Variants in NUMB observed in about 807,000 individuals in gnomAD.
The protein encoded by NUMB is protein numb homolog.
NUMB carries 29 observed loss-of-function variants against 59.7 expected under a neutral mutation model. The observed-to-expected ratio is 0.49, with a 90% CI of 0.36 to 0.66. The LOEUF (loss-of-function observed/expected upper bound fraction) is 0.66. NUMB is among the 30% of genes least tolerant of loss of function. The pLI, the probability that NUMB is intolerant of heterozygous loss-of-function variation, is 0.00. For missense variants in NUMB, 723 were observed against 822.0 expected (o/e 0.88, Z 1.47); for synonymous variants, 288 against 288.2 (o/e 1.00, Z 0.01).
chr14:73,378,964 G>A lies in NUMB; in HGVS notation c.-100-11983C>T, dbSNP rs530959246. Among the ~76,000 whole-genome samples, 3 of 152,274 alleles carry A rather than the reference G, an allele frequency of 2.0e-5. No individual in the cohort carries two copies. The South Asian group carries it at 6.2e-4, about 32-fold the overall frequency. On this transcript the variant is annotated intron_variant, in intron 2 of 12. Coordinates refer to ENST00000555238, the MANE Select transcript of NUMB (RefSeq NM_001005743.2). ...AGGTTGTGCCTATATTGGGGCAGAA[G>A]AAATATGGGAACTCTCTGTACTTTC...
chr14:73,357,010 T>C (rs1407361799), intron 3 of NUMB: 1 of 961,940 alleles, frequency 1.0e-6, no homozygotes, highest in Non-Finnish European at 1.2e-6. Flanking sequence ...AAGAATTTCT[T>C]GCAAGCAGTA....
chr14:73,297,006 A>G (rs1330012428), intron 7 of NUMB, among the ~76,000 whole-genome samples: 2 of 152,186 alleles, frequency 1.3e-5, no homozygotes, highest in Non-Finnish European at 2.9e-5. Context: ...CATTTCTACT[A>G]AAAATACAAA....
chr14:73,355,794 A>G (rs1011032608), intron 3 of NUMB, 28 bp from the exon 4 acceptor site: 2 of 1,536,332 alleles, frequency 1.3e-6, no homozygotes, highest in African/African-American at 2.8e-5. Context: ...AAAATATTTA[A>G]AAGAAATATT....
intron 4 of NUMB, among the ~76,000 whole-genome samples, chr14:73,341,963 C>T (rs1892655441): frequency 6.6e-6 from 1 of 152,150 alleles, no homozygotes; most frequent in Non-Finnish European, 1.5e-5. Context: ...TTACTGCATA[C>T]TAGGCCACAA....
intron 4 of NUMB, among the ~76,000 whole-genome samples, chr14:73,328,059 G>C (rs1244728169): frequency 2.0e-5 from 3 of 152,184 alleles, no homozygotes; most frequent in Admixed American, 1.3e-4. Context: ...TGGATCACTT[G>C]AGGTCAGGAG....
At chr14:73,286,030 GTTTGTT>G (rs1209670993) in intron 9 of NUMB, among the ~76,000 whole-genome samples, 2 of 150,798 alleles carry the variant, frequency 1.3e-5, no homozygotes, top group Admixed American at 6.6e-5. Flanking sequence ...ATATATATTT[GTTTGTT>G]TTTAAGAGAC....
At chr14:73,291,236 A>C (rs1889374012) in intron 8 of NUMB, among the ~76,000 whole-genome samples, 1 of 151,330 alleles carries the variant, frequency 6.6e-6, no homozygotes, top group Non-Finnish European at 1.5e-5. Flanking sequence ...ACCCGCCACC[A>C]CAGCCGGCTA....
At chr14:73,299,591 C>CAT (rs1274131726) in intron 6 of NUMB, among the ~76,000 whole-genome samples, 16 of 148,070 alleles carry the variant, frequency 1.1e-4, no homozygotes, top group Admixed American at 4.0e-4. Context: ...TATGTCATGT[C>CAT]ATATATATGA....
chr14:73,362,687 C>T (rs922454508), intron 3 of NUMB, among the ~76,000 whole-genome samples: 2 of 152,204 alleles, frequency 1.3e-5, no homozygotes. Context: ...CCACATGCCT[C>T]GGCCTCCCAA....
rs528883123 is a variant in NUMB at position 73,432,108 on chromosome 14, A to G, written c.-232-22040T>C. ...TAACTTTTAATTCTATTCATTCAAT[A>G]AGAATGTACTGATTACCAATCAAAT... On this transcript the variant is annotated intron_variant, in intron 1 of 12. Coordinates refer to ENST00000555238, the MANE Select transcript of NUMB (RefSeq NM_001005743.2). Among the ~76,000 whole-genome samples the G allele has an allele frequency of 2.6e-5, 4 of 152,262 alleles. No homozygotes were observed. In the East Asian group the frequency reaches 7.7e-4, roughly 29 times the overall value.
chr14:73,441,109 CAATAAT>C (rs1187163307), intron 1 of NUMB, among the ~76,000 whole-genome samples: 1 of 151,820 alleles, frequency 6.6e-6, no homozygotes, highest in African/African-American at 2.4e-5. Context: ...TATTACAACT[CAATAAT>C]AAAAAGACAA....
intron 7 of NUMB, among the ~76,000 whole-genome samples, chr14:73,295,161 C>G (rs1439339586): frequency 1.3e-5 from 2 of 150,498 alleles, no homozygotes; most frequent in East Asian, 4.0e-4. Context: ...GCTTCTTGCT[C>G]AAAGGTTAAG....
At chr14:73,397,424 G>T (rs904534080) in intron 2 of NUMB, among the ~76,000 whole-genome samples, 1 of 152,150 alleles carries the variant, frequency 6.6e-6, no homozygotes, top group Non-Finnish European at 1.5e-5. Flanking sequence ...GCCCTGCTTT[G>T]TAGCATTTGC....
intron 2 of NUMB, among the ~76,000 whole-genome samples, chr14:73,403,998 C>T (rs1407691783): frequency 1.3e-5 from 2 of 150,490 alleles, no homozygotes; most frequent in East Asian, 1.9e-4. Context: ...GAGACTGAGG[C>T]AGAAGAATCA....
intron 12 of NUMB, among the ~76,000 whole-genome samples, chr14:73,278,054 A>AC (rs1888313720): frequency 7.7e-6 from 1 of 130,060 alleles, no homozygotes; most frequent in Non-Finnish European, 1.8e-5. Flanking sequence ...TCAAAAAAAA[A>AC]AAAAAAAAAA....
At chr14:73,303,510 G>A (rs1384055804) in intron 6 of NUMB, among the ~76,000 whole-genome samples, 1 of 152,060 alleles carries the variant, frequency 6.6e-6, no homozygotes, top group Non-Finnish European at 1.5e-5. Context: ...GACCCAGGAG[G>A]CAGAGGTTGC....
chr14:73,455,201 C>G (rs1178844812), intron 1 of NUMB, among the ~76,000 whole-genome samples: 1 of 152,108 alleles, frequency 6.6e-6, no homozygotes, highest in Non-Finnish European at 1.5e-5. Context: ...GCTATACCAA[C>G]AGTTTCTTCA....
chr14:73,278,721 CTTTTTTT>C (rs35813203), intron 12 of NUMB, among the ~76,000 whole-genome samples: 5 of 58,046 alleles, frequency 8.6e-5, no homozygotes, highest in East Asian at 6.8e-4. Context: ...GCCCTGGAAT[CTTTTTTT>C]TTTTTTTTTT....
intron 4 of NUMB, among the ~76,000 whole-genome samples, chr14:73,353,760 C>T (rs1371326114): frequency 6.6e-6 from 1 of 151,296 alleles, no homozygotes; most frequent in Non-Finnish European, 1.5e-5. Context: ...TCCAAACTGC[C>T]TCCCTAAGAG....
Sources: allele counts gnomAD v4.1 joint callset (sites outside exome capture counted in the v4.1 genomes callset), GRCh38; gene constraint gnomAD v4.1.1; transcripts MANE v1.5; gene names NCBI Gene and HGNC (gene_info 2026-07-23, HGNC 2026-07-21).